Variants in GRM3 observed in about 807,000 individuals in gnomAD.
GRM3 encodes the protein metabotropic glutamate receptor 3.
GRM3 carries 26 observed loss-of-function variants against 70.5 expected under a neutral mutation model. The ratio of observed to expected loss-of-function variants is 0.37; its 90% CI spans 0.27 to 0.51. The LOEUF is 0.51. GRM3 is among the 20% of genes least tolerant of loss of function. The probability of loss-of-function intolerance (pLI) is 0.93; values close to 1 mark genes in which losing one functional copy is unlikely to be tolerated. For synonymous variants in GRM3, 443 were observed against 434.9 expected (o/e 1.02, Z -0.23); for missense variants, 859 against 1,123.8 (o/e 0.76, Z 3.37).
intron 1 of GRM3, among the ~76,000 whole-genome samples, chr7:86,709,159 C>T (rs1795134264): frequency 6.6e-6 from 1 of 152,024 alleles, no homozygotes; most frequent in African/African-American, 2.4e-5. Context: ...TGGCCCTGAA[C>T]TCAAACTTTC....
At chr7:86,830,964 A>G (rs1243333903) in intron 3 of GRM3, among the ~76,000 whole-genome samples, 2 of 152,200 alleles carry the variant, frequency 1.3e-5, no homozygotes, top group Admixed American at 6.5e-5. Context: ...CAAGCCAAGG[A>G]ACACCGAAGA....
At chr7:86,741,853 G>T (rs1795998561) in intron 1 of GRM3, among the ~76,000 whole-genome samples, 1 of 152,164 alleles carries the variant, frequency 6.6e-6, no homozygotes, top group Non-Finnish European at 1.5e-5. Flanking sequence ...TACATAAAGA[G>T]CAGAGAATAT....
chr7:86,705,635 G>A (rs1795039944), intron 1 of GRM3, among the ~76,000 whole-genome samples: 1 of 151,958 alleles, frequency 6.6e-6, no homozygotes, highest in South Asian at 2.1e-4. Context: ...GAGCACAAGA[G>A]TCTTTTCCTT....
At chr7:86,790,000 T>TCATCTAGAGTGTA (rs1271775125) in intron 3 of GRM3, among the ~76,000 whole-genome samples, 1 of 152,168 alleles carries the variant, frequency 6.6e-6, no homozygotes, top group Non-Finnish European at 1.5e-5. Flanking sequence ...GTCTCTAGGC[T>TCATCTAGAGTGTA]CATCTCCTGC....
At chr7:86,754,024 G>A (rs138785126) in intron 1 of GRM3, among the ~76,000 whole-genome samples, 25 of 152,162 alleles carry the variant, frequency 1.6e-4, no homozygotes, top group African/African-American at 6.0e-4. Context: ...CAGCTAAGCA[G>A]AACTGAAAAA....
chr7:86,706,911 T>G (rs969001694), intron 1 of GRM3, among the ~76,000 whole-genome samples: 2 of 152,128 alleles, frequency 1.3e-5, no homozygotes, highest in African/African-American at 4.8e-5. Context: ...TGGCTGAATA[T>G]TTTTTCCTAG....
intron 3 of GRM3, among the ~76,000 whole-genome samples, chr7:86,801,636 A>G (rs1298070091): frequency 6.6e-6 from 1 of 152,248 alleles, no homozygotes; most frequent in South Asian, 2.1e-4. Flanking sequence ...TCTGCCATCA[A>G]GTATCTTAGC....
intron 3 of GRM3, among the ~76,000 whole-genome samples, chr7:86,830,987 C>A (rs1798339951): frequency 6.6e-6 from 1 of 152,126 alleles, no homozygotes; most frequent in African/African-American, 2.4e-5. Context: ...GCCGGCATAC[C>A]ACCAGGAGCT....
chr7:86,694,207 A>T (rs576764971), intron 1 of GRM3, among the ~76,000 whole-genome samples: 84 of 152,284 alleles, frequency 5.5e-4, no homozygotes, highest in Non-Finnish European at 1.0e-3. Flanking sequence ...TCACTCAGAA[A>T]TGAAGTACAA....
intron 1 of GRM3, among the ~76,000 whole-genome samples, chr7:86,758,012 G>A (rs143866716): frequency 3.2e-4 from 49 of 152,210 alleles, no homozygotes; most frequent in Non-Finnish European, 6.6e-4. Flanking sequence ...TAATGGTAAC[G>A]TCTTCCTAAA....
At chr7:86,678,435 C>T (rs557881086) in intron 1 of GRM3, among the ~76,000 whole-genome samples, 10 of 152,106 alleles carry the variant, frequency 6.6e-5, no homozygotes, top group East Asian at 1.9e-4. Flanking sequence ...GTTACGTTAA[C>T]GCCGCCTCTC....
intron 1 of GRM3, among the ~76,000 whole-genome samples, chr7:86,718,818 A>G (rs1795385174): frequency 6.6e-6 from 1 of 152,018 alleles, no homozygotes; most frequent in Non-Finnish European, 1.5e-5. Flanking sequence ...TACTGAAAAA[A>G]ACTTACAATT....
intron 4 of GRM3, among the ~76,000 whole-genome samples, chr7:86,845,420 G>T (rs374776133): frequency 2.0e-5 from 3 of 152,046 alleles, no homozygotes; most frequent in Non-Finnish European, 4.4e-5. Context: ...ATGCATTTTT[G>T]ATGCCTCCTT....
intron 2 of GRM3, among the ~76,000 whole-genome samples, chr7:86,772,134 TTTATA>T (rs1377496304): frequency 2.6e-5 from 4 of 152,146 alleles, no homozygotes; most frequent in Admixed American, 6.6e-5. Flanking sequence ...ATTTTTTGTC[TTTATA>T]TTATATTACT....
chr7:86,829,737 A>G (rs1041808240), intron 3 of GRM3, among the ~76,000 whole-genome samples: 1 of 152,202 alleles, frequency 6.6e-6, no homozygotes, highest in Non-Finnish European at 1.5e-5. Context: ...TAATAATAGC[A>G]TCAAAGATCA....
intron 1 of GRM3, among the ~76,000 whole-genome samples, chr7:86,746,298 G>A (rs947586880): frequency 7.3e-6 from 1 of 137,296 alleles, no homozygotes; most frequent in East Asian, 2.1e-4. Context: ...ATACCACTGA[G>A]AAACAAAACT....
intron 1 of GRM3, among the ~76,000 whole-genome samples, chr7:86,699,851 C>T (rs1301676311): frequency 6.6e-6 from 1 of 151,930 alleles, no homozygotes; most frequent in East Asian, 1.9e-4. Flanking sequence ...AAAGGTCACA[C>T]TTGTTATTAT....
chr7:86,741,689 C>T (rs1795995256), intron 1 of GRM3, among the ~76,000 whole-genome samples: 2 of 152,030 alleles, frequency 1.3e-5, no homozygotes, highest in Non-Finnish European at 2.9e-5. Context: ...TGGACACCAC[C>T]CCAGAACTTT....
At chr7:86,709,057 T>A (rs544897475) in intron 1 of GRM3, among the ~76,000 whole-genome samples, 22 of 151,976 alleles carry the variant, frequency 1.4e-4, no homozygotes, top group African/African-American at 5.1e-4. Context: ...ATACTCAAGG[T>A]TTTTTTTCAT....
Sources: allele counts gnomAD v4.1 joint callset (sites outside exome capture counted in the v4.1 genomes callset), GRCh38; gene constraint gnomAD v4.1.1; transcripts MANE v1.5; gene names NCBI Gene and HGNC (gene_info 2026-07-23, HGNC 2026-07-21).